The following KLHL10 variants were observed in gnomAD, a reference collection of about 807,000 sequenced individuals.
KLHL10 encodes kelch like family member 10.
Under a neutral mutation model 46.6 loss-of-function variants are expected in KLHL10, and 11 were observed. The observed-to-expected ratio is 0.24, with a 90% confidence interval of 0.15 to 0.39. KLHL10 has a LOEUF of 0.39. KLHL10 is among the 10% of genes least tolerant of loss of function. The probability of loss-of-function intolerance (pLI) is 1.00; values close to 1 mark genes in which losing one functional copy is unlikely to be tolerated. For synonymous variants in KLHL10, 254 were observed against 279.1 expected (o/e 0.91, Z 0.90); for missense variants, 475 against 789.8 (o/e 0.60, Z 4.78).
rs1597937533 is a variant in KLHL10 at position 41,843,866 on chromosome 17, A to G, written c.685-1260A>G. Among the ~76,000 whole-genome samples the G allele has an allele frequency of 4.0e-5, 6 of 151,854 alleles. No individual in the cohort carries two copies. The South Asian group carries it at 1.2e-3, about 32-fold the overall frequency. On this transcript the variant is annotated intron_variant, in intron 2 of 4. Coordinates refer to ENST00000293303, the MANE Select transcript of KLHL10 (RefSeq NM_152467.5). The stretch of plus-strand genomic sequence containing the variant: ...AACCTCTGCCTCCCAGGTTCACGCC[A>G]TTCTCCTGCCTCAGGCTCCCCAGTA...
At chr17:41,840,913 C>T (rs1375672207) in intron 1 of KLHL10, among the ~76,000 whole-genome samples, 2 of 152,008 alleles carry the variant, frequency 1.3e-5, no homozygotes, top group African/African-American at 4.8e-5. Context: ...GTCAGGAGTG[C>T]GAGACAAGCC....
chr17:41,847,752 G>A (rs925266320), intron 4 of KLHL10, among the ~76,000 whole-genome samples, 181 bp from the exon 5 acceptor site: 11 of 152,178 alleles, frequency 7.2e-5, no homozygotes, highest in African/African-American at 2.7e-4. Context: ...TGATCCACCC[G>A]CCTCGGCCTC....
At chr17:41,847,186 C>G in intron 3 of KLHL10, 75 bp from the exon 4 acceptor site, 1 of 1,354,398 alleles carries the variant, frequency 7.4e-7, no homozygotes, top group Non-Finnish European at 1.1e-6. Context: ...TAAGTGCCCA[C>G]TACCACCACA....
chr17:41,836,016 C>T (rs1044537430), upstream of KLHL10: 8 of 1,467,144 alleles, frequency 5.5e-6, no homozygotes, highest in African/African-American at 1.5e-5. Flanking sequence ...CGAGGGGAGC[C>T]CGGGGCTCGC....
chr17:41,843,919 G>A (rs528748438), intron 2 of KLHL10, among the ~76,000 whole-genome samples: 13 of 151,800 alleles, frequency 8.6e-5, no homozygotes, highest in African/African-American at 3.1e-4. Flanking sequence ...CCGCCACCAC[G>A]CCCAGCTAAC....
At chr17:41,835,736 G>A (rs1865841), upstream of KLHL10, 779,001 of 1,024,680 alleles carry the variant, frequency 0.76, 297,632 homozygotes, top group Admixed American at 0.86. Flanking sequence ...TCAAGCTCCC[G>A]GCCATTTCTT....
chr17:41,836,736 G>A (rs1310232678), upstream of KLHL10, among the ~76,000 whole-genome samples: 1 of 152,166 alleles, frequency 6.6e-6, no homozygotes, highest in Non-Finnish European at 1.5e-5. Flanking sequence ...TGAGGCACGA[G>A]GATCACTTGA....
intron 4 of KLHL10, 57 bp from the exon 5 acceptor site, chr17:41,847,876 C>T: frequency 6.2e-7 from 1 of 1,609,210 alleles, no homozygotes; most frequent in African/African-American, 1.3e-5. Flanking sequence ...ACAAGGGCTT[C>T]CTCAGTGAAC....
intron 2 of KLHL10, among the ~76,000 whole-genome samples, chr17:41,844,627 C>A (rs1008349066): frequency 6.7e-6 from 1 of 148,214 alleles, no homozygotes; most frequent in Non-Finnish European, 1.5e-5. Flanking sequence ...CGGCTCACTG[C>A]AACCTCTGCC....
upstream of KLHL10, chr17:41,836,248 C>T: frequency 8.4e-7 from 1 of 1,188,540 alleles, no homozygotes; most frequent in East Asian, 3.6e-5. Context: ...CGCGACCGCA[C>T]TGCGCAGGCG....
chr17:41,836,115 G>A, upstream of KLHL10: 1 of 1,332,120 alleles, frequency 7.5e-7, no homozygotes, highest in Non-Finnish European at 9.6e-7. Flanking sequence ...ACCAGCTGGG[G>A]GGCTCGAAGC....
At chr17:41,838,890 T>C (rs1555620462) in intron 1 of KLHL10, among the ~76,000 whole-genome samples, 1 of 152,050 alleles carries the variant, frequency 6.6e-6, no homozygotes, top group Non-Finnish European at 1.5e-5. Flanking sequence ...GGTTTTGCCA[T>C]GTCGCTCAGG....
At chr17:41,836,079 C>T (rs1299244568), upstream of KLHL10, 36 of 1,361,148 alleles carry the variant, frequency 2.6e-5, no homozygotes, top group Non-Finnish European at 2.6e-5. Flanking sequence ...GGCTACTGGC[C>T]TGGGTGAAGC....
upstream of KLHL10, among the ~76,000 whole-genome samples, chr17:41,837,327 G>A (rs2048174639): frequency 6.6e-6 from 1 of 152,202 alleles, no homozygotes; most frequent in Non-Finnish European, 1.5e-5. Context: ...ACCACGCCCA[G>A]CTAATTTTTG....
At chr17:41,836,315 T>TG, upstream of KLHL10, 1 of 1,160,152 alleles carries the variant, frequency 8.6e-7, no homozygotes, top group East Asian at 3.9e-5. Context: ...GGGGCGGGGG[T>TG]GGGGCCGAGA....
chr17:41,836,057 G>A, upstream of KLHL10: 1 of 1,400,344 alleles, frequency 7.1e-7, no homozygotes, highest in South Asian at 1.7e-5. Context: ...GGGCCGGGGT[G>A]CGCGAGGGGG....
chr17:41,842,896 C>T (rs2048241106), intron 2 of KLHL10, among the ~76,000 whole-genome samples: 1 of 150,140 alleles, frequency 6.7e-6, no homozygotes, highest in African/African-American at 2.5e-5. Flanking sequence ...GAGATCATGC[C>T]ACTGCACTCA....
chr17:41,848,062 C>A lies in KLHL10; in HGVS notation c.1582C>A (p.Leu528Ile). 6.2e-7 allele frequency: 1 copy of A among 1,614,162 alleles called. No homozygotes were observed. The highest frequency in any genetic ancestry group is 8.5e-7 in the Non-Finnish European group (1 of 1,180,018). Residue 528 changes from leucine to isoleucine, a missense_variant, in exon 5 of 5, where the codon CTC (leucine) becomes ATC (isoleucine). By Grantham distance (5) the Leu-to-Ile change is conservative. Transcript: ENST00000293303. ...TTTTGGCATCGAGGTGGTGGATGAC[C>A]TCTTGTTTGTGGTGGGTGGCTTTAA... ...SNFGIEVVDDLLFVVGGFNGF... is the reference protein window; with the variant it reads ...SNFGIEVVDDILFVVGGFNGF...
Position 41,842,210 on chromosome 17 carries a change from G to C in KLHL10, c.582G>C (p.Glu194Asp). Residue 194 changes from glutamate to aspartate, a missense_variant, in exon 2 of 5, where the codon GAG becomes GAC. Coordinates refer to ENST00000293303, the MANE Select transcript of KLHL10 (RefSeq NM_152467.5). ...TTAAGGATATCATTGAGAAAGATGA[G>C]CTCAATGTCAAACAGGAAGATGCTG... Reference protein sequence around the residue: ...TELKDIIEKDELNVKQEDAVF... With the variant: ...TELKDIIEKDDLNVKQEDAVF... The C allele has an allele frequency of 6.2e-7, 1 of 1,614,140 alleles. No individual in the cohort carries two copies. Among genetic ancestry groups the C allele is most frequent in the East Asian group, 2.2e-5 (1 of 44,884 alleles).
Sources: gnomAD v4.1 joint callset for allele counts (sites outside exome capture counted in the v4.1 genomes callset) on GRCh38, gnomAD v4.1.1 for gene constraint, MANE v1.5 for transcripts, NCBI Gene and HGNC (gene_info 2026-07-23, HGNC 2026-07-21) for gene names.